Variants in FBXL7 observed in about 807,000 individuals in gnomAD.
FBXL7 encodes the protein F-box/LRR-repeat protein 7.
Under a neutral mutation model 38.3 loss-of-function variants are expected in FBXL7, and 12 were observed. That is an observed-to-expected ratio of 0.31 (90% CI 0.20 to 0.51). The LOEUF (loss-of-function observed/expected upper bound fraction) is 0.51, where lower values mean the gene tolerates loss of function less well. FBXL7 is among the 20% of genes least tolerant of loss of function. The pLI is 0.98. For synonymous variants in FBXL7, 297 were observed against 300.9 expected, an observed-to-expected ratio of 0.99 and a Z score of 0.13; for missense variants, 567 against 676.4, an observed-to-expected ratio of 0.84 and a Z score of 1.79.
intron 2 of FBXL7, among the ~76,000 whole-genome samples, chr5:15,824,021 T>C (rs1240762063): frequency 2.0e-5 from 3 of 152,126 alleles, no homozygotes; most frequent in Admixed American, 6.5e-5. Flanking sequence ...CTCATGCCTG[T>C]AATCCCAGCA....
Position 15,837,531 on chromosome 5 carries a change from C to A in FBXL7, c.128-90359C>A, listed in dbSNP as rs1190828090. Among the ~76,000 whole-genome samples, 5 of 152,102 alleles carry A rather than the reference C, an allele frequency of 3.3e-5. No homozygotes were observed. The East Asian group carries it at 9.6e-4, about 29-fold the overall frequency. Reference sequence around the variant, plus strand: ...ACTTGTTTTAACAAGACATTTATGTCTGGTTACAATTGGCATTTAGGAAAA... The same window carrying A: ...ACTTGTTTTAACAAGACATTTATGTATGGTTACAATTGGCATTTAGGAAAA... On this transcript the variant is annotated intron_variant, in intron 2 of 3. Transcript: ENST00000504595.
intron 2 of FBXL7, among the ~76,000 whole-genome samples, chr5:15,856,289 C>G (rs1367171095): frequency 1.3e-5 from 2 of 152,046 alleles, no homozygotes; most frequent in African/African-American, 4.8e-5. Context: ...TATTTCCCAC[C>G]TGGTCCCTCC....
At chr5:15,770,616 A>G (rs1345799537) in intron 2 of FBXL7, among the ~76,000 whole-genome samples, 8 of 152,222 alleles carry the variant, frequency 5.3e-5, no homozygotes, top group Non-Finnish European at 8.8e-5. Flanking sequence ...GTTTAAGTCT[A>G]TGTTACATCT....
Position 15,874,653 on chromosome 5 carries a change from C to T in FBXL7, c.128-53237C>T, listed in dbSNP as rs1579553309. On this transcript the variant is annotated intron_variant, in intron 2 of 3. Coordinates refer to ENST00000504595, the MANE Select transcript of FBXL7 (RefSeq NM_012304.5). ...CAAACAGCCAAATCATGAGCAAACT[C>T]CCATTCACAATTGCTACAAAGAGAA... is the stretch of plus-strand genomic sequence containing the variant. Among the ~76,000 whole-genome samples, 12 of 152,256 alleles carry T rather than the reference C, an allele frequency of 7.9e-5. No individual in the cohort carries two copies. The South Asian group carries it at 2.3e-3, about 29-fold the overall frequency.
intron 2 of FBXL7, among the ~76,000 whole-genome samples, chr5:15,760,455 G>A (rs750322032): frequency 6.6e-6 from 1 of 151,336 alleles, no homozygotes; most frequent in South Asian, 2.1e-4. Flanking sequence ...AAAGTTGAGA[G>A]AGTCCTAGAT....
At chr5:15,719,605 A>G (rs552940761) in intron 2 of FBXL7, among the ~76,000 whole-genome samples, 5 of 149,174 alleles carry the variant, frequency 3.4e-5, no homozygotes, top group African/African-American at 1.2e-4. Context: ...TACAGAAAAC[A>G]ATCAAATAGA....
chr5:15,826,574 A>G (rs372121063), intron 2 of FBXL7, among the ~76,000 whole-genome samples: 3 of 152,152 alleles, frequency 2.0e-5, no homozygotes, highest in African/African-American at 7.2e-5. Context: ...ACCTGCCACT[A>G]TGCCCAGCTA....
intron 2 of FBXL7, among the ~76,000 whole-genome samples, chr5:15,890,334 C>T (rs575511297): frequency 6.6e-6 from 1 of 152,226 alleles, no homozygotes; most frequent in Non-Finnish European, 1.5e-5. Context: ...CTGCAACCTC[C>T]GCCTCCCGGG....
intron 2 of FBXL7, among the ~76,000 whole-genome samples, chr5:15,852,646 A>G (rs1269654029): frequency 6.6e-6 from 1 of 152,140 alleles, no homozygotes; most frequent in East Asian, 1.9e-4. Context: ...GACCACATTT[A>G]CAGTCAAGGG....
intron 1 of FBXL7, among the ~76,000 whole-genome samples, chr5:15,563,943 A>C (rs1226233685): frequency 2.0e-5 from 3 of 152,084 alleles, no homozygotes; most frequent in African/African-American, 4.8e-5. Context: ...CACTTTGTGT[A>C]TGAGTGTCTC....
intron 1 of FBXL7, among the ~76,000 whole-genome samples, chr5:15,547,855 C>T (rs1737959681): frequency 6.6e-6 from 1 of 152,140 alleles, no homozygotes; most frequent in Non-Finnish European, 1.5e-5. Context: ...GAACTAAGTC[C>T]ACGGTTACCT....
At chr5:15,520,063 G>A (rs539211609) in intron 1 of FBXL7, among the ~76,000 whole-genome samples, 3 of 152,056 alleles carry the variant, frequency 2.0e-5, no homozygotes, top group Non-Finnish European at 4.4e-5. Flanking sequence ...AGTCCATATC[G>A]GGTAACTTCC....
chr5:15,636,933 G>A (rs1407975288), intron 2 of FBXL7, among the ~76,000 whole-genome samples: 2 of 150,030 alleles, frequency 1.3e-5, no homozygotes, highest in Admixed American at 6.7e-5. Flanking sequence ...TTTTCATCAG[G>A]ATGAAAGGAG....
At chr5:15,845,305 C>T (rs909372330) in intron 2 of FBXL7, among the ~76,000 whole-genome samples, 1 of 152,120 alleles carries the variant, frequency 6.6e-6, no homozygotes, top group African/African-American at 2.4e-5. Flanking sequence ...ACATACCAGC[C>T]AAATACAACT....
At chr5:15,553,037 G>A (rs575901220) in intron 1 of FBXL7, among the ~76,000 whole-genome samples, 9 of 151,090 alleles carry the variant, frequency 6.0e-5, no homozygotes, top group East Asian at 1.9e-4. Flanking sequence ...AGCCAAGATC[G>A]TGCCACTGCA....
intron 1 of FBXL7, among the ~76,000 whole-genome samples, chr5:15,563,726 G>A (rs1392087326): frequency 6.6e-6 from 1 of 151,914 alleles, no homozygotes; most frequent in Non-Finnish European, 1.5e-5. Flanking sequence ...CTGATGTTTT[G>A]GCAAGCAGAA....
chr5:15,893,710 G>A (rs2126390829), intron 2 of FBXL7, among the ~76,000 whole-genome samples: 1 of 152,198 alleles, frequency 6.6e-6, no homozygotes, highest in Non-Finnish European at 1.5e-5. Context: ...GGTTGAAACG[G>A]AGTTATCCAA....
intron 1 of FBXL7, among the ~76,000 whole-genome samples, chr5:15,503,634 G>A (rs77610963): frequency 0.039 from 5,872 of 152,270 alleles, 142 homozygotes; most frequent in Non-Finnish European, 0.056. Flanking sequence ...CTTCCACCAT[G>A]TGGATGTCCT....
chr5:15,608,587 G>A (rs1740112119), intron 1 of FBXL7, among the ~76,000 whole-genome samples: 2 of 152,074 alleles, frequency 1.3e-5, no homozygotes, highest in South Asian at 4.1e-4. Context: ...TACAATCAGT[G>A]GACTTTAAGT....
Sources: gnomAD v4.1 joint callset for allele counts (sites outside exome capture counted in the v4.1 genomes callset) on GRCh38, gnomAD v4.1.1 for gene constraint, MANE v1.5 for transcripts, NCBI Gene and HGNC (gene_info 2026-07-23, HGNC 2026-07-21) for gene names.